The following MAPK8IP1 variants were observed in gnomAD, a reference collection of about 807,000 sequenced individuals.
MAPK8IP1 encodes mitogen-activated protein kinase 8 interacting protein 1, also known as C-Jun-amino-terminal kinase-interacting protein 1.
A neutral mutation model predicts 72.6 loss-of-function variants in MAPK8IP1; 17 were observed. The observed-to-expected ratio is 0.23, with a 90% CI of 0.16 to 0.35. The LOEUF (loss-of-function observed/expected upper bound fraction) is 0.35, where lower values mean the gene tolerates loss of function less well. Among genes scored for constraint, MAPK8IP1 ranks in the 10% least tolerant of loss-of-function variants. The pLI is 1.00. For missense variants in MAPK8IP1, 789 were observed against 1,009.7 expected (o/e 0.78, Z 2.96); for synonymous variants, 401 against 443.4 (o/e 0.90, Z 1.20).
chr11:45,898,042 A>G lies in MAPK8IP1; in HGVS notation c.102-43A>G, dbSNP rs530971846. The G allele has an allele frequency of 3.3e-6, 4 of 1,216,508 alleles. No individual in the cohort carries two copies. The South Asian group carries it at 3.7e-5, about 11-fold the overall frequency. The allele number at this position is 1,216,508 out of a possible 1,614,324, so 75.4% of individuals were successfully genotyped here. ...AGGTAACAGGGAGATGTGAGCAGGC[A>G]TAGTGCCCCTGAGTTGTAACTTTGG... On this transcript the variant is annotated intron_variant, in intron 1 of 11. Coordinates refer to ENST00000241014, the MANE Select transcript of MAPK8IP1 (RefSeq NM_005456.4).
chr11:45,902,389 C>T lies in MAPK8IP1; in HGVS notation c.622C>T (p.His208Tyr). The T allele has an allele frequency of 6.4e-7, 1 of 1,571,162 alleles. No individual in the cohort carries two copies. ...PLKTGEQTPP[H>Y]EHICLSDELP... ...CTCTCCAGGGGAGCAGACACCACCG[C>T]ATGAACACATCTGCCTGAGCGATGA... Residue 208 changes from histidine (H) to tyrosine (Y), a missense_variant, in exon 5 of 12, where the codon CAT becomes TAT. Coordinates refer to ENST00000241014, the MANE Select transcript of MAPK8IP1 (RefSeq NM_005456.4). This position sits in a 1 kb window ranked among gnomAD's most constrained non-coding sequence, Gnocchi z 9.3.
Position 45,902,594 on chromosome 11 carries a change from A to T in MAPK8IP1, c.827A>T (p.Glu276Val), listed in dbSNP as rs142384793. Residue 276 changes from glutamate to valine, a missense_variant, in exon 5 of 12, where the codon GAG (glutamate) becomes GTG (valine). Physicochemically the swap from Glu to Val is moderately radical, Grantham distance 121. Coordinates refer to ENST00000241014, the MANE Select transcript of MAPK8IP1 (RefSeq NM_005456.4). This position sits in a 1 kb window ranked among gnomAD's most constrained non-coding sequence, Gnocchi z 9.3. Reference protein sequence around the residue: ...RIHYQADVRLEATEEIYLTPV... With the variant: ...RIHYQADVRLVATEEIYLTPV... ...CACTACCAGGCCGATGTGCGACTAG[A>T]GGCCACTGAGGAGATCTACCTGACC... 5.3e-5 allele frequency: 85 copies of T among 1,612,656 alleles called. No homozygotes were observed. The highest frequency in any genetic ancestry group is 6.9e-5 in the Non-Finnish European group (81 of 1,179,882).
chr11:45,889,637 C>T (rs950382322), intron 1 of MAPK8IP1, among the ~76,000 whole-genome samples: 2 of 151,964 alleles, frequency 1.3e-5, no homozygotes, highest in South Asian at 2.1e-4. Flanking sequence ...GAAGGGGAAT[C>T]GTGGATCTGA....
At chr11:45,893,611 G>A (rs1392109479) in intron 1 of MAPK8IP1, among the ~76,000 whole-genome samples, 2 of 152,230 alleles carry the variant, frequency 1.3e-5, no homozygotes, top group East Asian at 3.8e-4. Context: ...TGATGGGTGG[G>A]CAGGGGCTGC....
Position 45,904,368 on chromosome 11 carries a change from C to T in MAPK8IP1, c.1667-87C>T. The stretch of plus-strand genomic sequence containing the variant: ...GGCAGCCTCTGTGGGCTCTGCCATT[C>T]CCCGTGCCTCACCCACCCTCCTTCA... On this transcript the variant is annotated intron_variant, in intron 7 of 11. Coordinates refer to ENST00000241014, the MANE Select transcript of MAPK8IP1 (RefSeq NM_005456.4). This position sits in a 1 kb window ranked among gnomAD's most constrained non-coding sequence, Gnocchi z 6.4. 1 of 1,242,368 alleles carries T rather than the reference C, an allele frequency of 8.0e-7. No homozygotes were observed. Among genetic ancestry groups the T allele is most frequent in the Non-Finnish European group, 1.2e-6 (1 of 857,320 alleles). The allele number at this position is 1,242,368 out of a possible 1,614,324, so 77.0% of individuals were successfully genotyped here.
intron 1 of MAPK8IP1, among the ~76,000 whole-genome samples, chr11:45,893,037 G>A (rs1050907714): frequency 1.1e-4 from 17 of 152,158 alleles, no homozygotes; most frequent in Non-Finnish European, 2.1e-4. Context: ...GAGGCTTGTG[G>A]GGCATTGTGG....
In MAPK8IP1 at chr11:45,903,494, C is replaced by T; in HGVS notation, c.1493+54C>T. 6.8e-7 allele frequency: 1 copy of T among 1,471,730 alleles called. No individual in the cohort carries two copies. The highest frequency in any genetic ancestry group is 9.3e-7 in the Non-Finnish European group (1 of 1,070,830). The allele number at this position is 1,471,730 out of a possible 1,614,324, so 91.2% of individuals were successfully genotyped here. ...CCAGGCAGCAGTTTGGGCCACACAC[C>T]ACCCTCTACTTGTCACCCCTACATG... On this transcript the variant is annotated intron_variant, in intron 6 of 11. Transcript: ENST00000241014. This position sits in a 1 kb window ranked among gnomAD's most constrained non-coding sequence, Gnocchi z 6.4.
chr11:45,899,285 G>A (rs1162860125), intron 2 of MAPK8IP1, among the ~76,000 whole-genome samples: 7 of 152,248 alleles, frequency 4.6e-5, no homozygotes, highest in Admixed American at 4.6e-4. Flanking sequence ...TGCACCAGCA[G>A]AGCCTTGGAG....
chr11:45,896,978 G>A (rs924977561), intron 1 of MAPK8IP1: 10 of 1,555,642 alleles, frequency 6.4e-6, no homozygotes, highest in Non-Finnish European at 8.7e-6. Flanking sequence ...TGGCGGGGGT[G>A]GAGACCGAGT....
chr11:45,885,897 A>T lies in MAPK8IP1; in HGVS notation c.77A>T (p.His26Leu). 6.8e-7 allele frequency: 1 copy of T among 1,476,010 alleles called. No homozygotes were observed. The highest frequency in any genetic ancestry group is 9.0e-7 in the Non-Finnish European group (1 of 1,110,156). The allele number at this position is 1,476,010 out of a possible 1,614,324, so 91.4% of individuals were successfully genotyped here. Residue 26 changes from histidine (H) to leucine (L), a missense_variant, in exon 1 of 12, where the codon CAC becomes CTC. Physicochemically the swap from His to Leu is moderately conservative, Grantham distance 99. Around this residue, in one of 4 missense-constraint regions of MAPK8IP1, gnomAD observed 112 missense variants for 111.8 expected, o/e 1.00. Coordinates refer to ENST00000241014, the MANE Select transcript of MAPK8IP1 (RefSeq NM_005456.4). ...PPAASPFLGLHIASPPNFRLT... is the reference protein window; with the variant it reads ...PPAASPFLGLLIASPPNFRLT... ...GCCGCCTCCCCGTTCCTGGGGCTGC[A>T]CATCGCTTCGCCTCCCAATTTCAGG...
At chr11:45,891,383 T>C (rs1252950440) in intron 1 of MAPK8IP1, among the ~76,000 whole-genome samples, 1 of 152,250 alleles carries the variant, frequency 6.6e-6, no homozygotes, top group Non-Finnish European at 1.5e-5. Context: ...TCATGGCTCC[T>C]GCTGTCATGT....
intron 3 of MAPK8IP1, among the ~76,000 whole-genome samples, chr11:45,901,519 C>T (rs1373320235): frequency 2.0e-5 from 3 of 152,136 alleles, no homozygotes; most frequent in East Asian, 3.9e-4. Flanking sequence ...GTCCTCACCC[C>T]TTCTAGGCCA....
At chr11:45,898,837 C>T (rs1047012337) in intron 2 of MAPK8IP1, among the ~76,000 whole-genome samples, 4 of 152,224 alleles carry the variant, frequency 2.6e-5, no homozygotes, top group African/African-American at 9.7e-5. Context: ...GTCCCCAGCA[C>T]CTGGGTAACT....
intron 1 of MAPK8IP1, among the ~76,000 whole-genome samples, chr11:45,887,570 A>G (rs574883380): frequency 6.6e-6 from 1 of 152,090 alleles, no homozygotes; most frequent in East Asian, 1.9e-4. Context: ...TGTTTAGTCC[A>G]CTCTACGTCC....
intron 1 of MAPK8IP1, among the ~76,000 whole-genome samples, chr11:45,888,731 C>T (rs978630003): frequency 3.3e-5 from 5 of 151,750 alleles, no homozygotes; most frequent in African/African-American, 4.8e-5. Context: ...CTCACTCTGT[C>T]GCCCAGGCTG....
intron 1 of MAPK8IP1, chr11:45,896,774 A>G (rs2134670272): frequency 6.6e-7 from 1 of 1,512,666 alleles, no homozygotes; most frequent in Non-Finnish European, 8.9e-7. Flanking sequence ...CAAGCGGTGG[A>G]GGCCAGAGGC....
At position 45,903,324 on chromosome 11, in the gene MAPK8IP1, G is replaced by A. The variant is rs775897204; in HGVS notation, c.1418-41G>A. The A allele has an allele frequency of 2.5e-6, 4 of 1,607,038 alleles. No homozygotes were observed. The highest frequency in any genetic ancestry group is 3.4e-6 in the Non-Finnish European group (4 of 1,174,774). The stretch of plus-strand genomic sequence containing the variant: ...TACCTGCCCCGCTAAACCTGGATCA[G>A]AGCTGCGACCCCCCATCCAGCCACA... On this transcript the variant is annotated intron_variant, in intron 5 of 11. Transcript: ENST00000241014. The surrounding 1 kb of genome is among the most constrained non-coding windows in gnomAD (Gnocchi z 6.4).
In MAPK8IP1 at chr11:45,904,652, C is replaced by T. The variant is rs2086688349; in HGVS notation, c.1777-66C>T. The T allele has an allele frequency of 8.1e-6, 13 of 1,600,926 alleles. No individual in the cohort carries two copies. Among genetic ancestry groups the T allele is most frequent in the Non-Finnish European group, 1.1e-5 (13 of 1,168,420 alleles). On this transcript the variant is annotated intron_variant, in intron 8 of 11. Transcript: ENST00000241014. This position sits in a 1 kb window ranked among gnomAD's most constrained non-coding sequence, Gnocchi z 6.4. ...TCTAGAGGCAGTAAAGGGCTCAGGC[C>T]CTGGGACAGGAGGGATCAGCAGAGG...
chr11:45,905,564 C>A, intron 11 of MAPK8IP1, 85 bp from the exon 12 acceptor site: 2 of 1,240,110 alleles, frequency 1.6e-6, no homozygotes, highest in South Asian at 2.4e-5. Context: ...GGCCCCAAGG[C>A]TCCAGCGGGA....
Sources: gnomAD v4.1 joint callset for allele counts (sites outside exome capture counted in the v4.1 genomes callset) on GRCh38, gnomAD v4.1.1 for gene constraint, gnomAD v4.1.1 regional missense constraint, Gnocchi (gnomAD v3.1) non-coding constraint, MANE v1.5 for transcripts, NCBI Gene and HGNC (gene_info 2026-07-23, HGNC 2026-07-21) for gene names.